Variants in PMFBP1 observed in about 807,000 individuals in gnomAD.
PMFBP1 encodes polyamine modulated factor 1 binding protein 1.
PMFBP1 carries 131 observed loss-of-function variants against 137.8 expected under a neutral mutation model. The observed-to-expected ratio is 0.95, with a 90% CI of 0.82 to 1.10. The LOEUF (loss-of-function observed/expected upper bound fraction) is 1.10. Ranked by LOEUF, PMFBP1 falls within the 50% of genes least tolerant of loss-of-function variation. The pLI is 0.00. For missense variants in PMFBP1, 1,199 were observed against 1,175.4 expected (o/e 1.02, Z -0.29); for synonymous variants, 490 against 450.4 (o/e 1.09, Z -1.11).
chr16:72,121,052 G>A (rs2144222110), intron 19 of PMFBP1, among the ~76,000 whole-genome samples: 1 of 152,324 alleles, frequency 6.6e-6, no homozygotes, highest in Admixed American at 6.5e-5. Flanking sequence ...CTTTGTGAAA[G>A]AGAACTTCCT....
At chr16:72,219,158 A>G in the PMFBP1 span, among the ~76,000 whole-genome samples, 1 of 152,200 alleles carries the variant, frequency 6.6e-6, no homozygotes, top group African/African-American at 2.4e-5. Flanking sequence ...TGACTCTCTC[A>G]GCAATTTTCA....
At chr16:72,142,299 G>GA (rs1413452214) in intron 5 of PMFBP1, among the ~76,000 whole-genome samples, 14 of 152,162 alleles carry the variant, frequency 9.2e-5, no homozygotes, top group African/African-American at 3.1e-4. Flanking sequence ...ACTATGGGAT[G>GA]AAAAATGGAA....
At chr16:72,159,718 T>G (rs542418520) in intron 3 of PMFBP1, among the ~76,000 whole-genome samples, 3 of 152,224 alleles carry the variant, frequency 2.0e-5, no homozygotes, top group African/African-American at 7.2e-5. Flanking sequence ...ACGCTATGGA[T>G]GAAGCCTACA....
At chr16:72,143,627 C>A (rs571918621) in intron 5 of PMFBP1, among the ~76,000 whole-genome samples, 1 of 152,092 alleles carries the variant, frequency 6.6e-6, no homozygotes, top group African/African-American at 2.4e-5. Flanking sequence ...CCTGTAGTCC[C>A]AGCTACTTGG....
chr16:72,132,894 T>G lies in PMFBP1; in HGVS notation c.1301A>C (p.Gln434Pro). Reference protein sequence around the residue: ...LLKKEKELEKQQCMATELEMT... With the variant: ...LLKKEKELEKPQCMATELEMT... ...TTCAAGTTCTGTGGCCATGCACTGC[T>G]GCTTCTCCAGCTCCTTCTCCTTTTT... is the stretch of plus-strand genomic sequence containing the variant. Residue 434 changes from glutamine to proline, a missense_variant, in exon 10 of 21, where the codon CAG (glutamine) becomes CCG (proline). Physicochemically the swap from Gln to Pro is moderately conservative, Grantham distance 76. Transcript: ENST00000237353. The G allele has an allele frequency of 6.2e-7, 1 of 1,614,240 alleles. No individual in the cohort carries two copies. Among genetic ancestry groups the G allele is most frequent in the Non-Finnish European group, 8.5e-7 (1 of 1,180,044 alleles).
At chr16:72,132,699 T>C (rs1341135977) in intron 10 of PMFBP1, 49 bp downstream of exon 10, 1 of 1,612,030 alleles carries the variant, frequency 6.2e-7, no homozygotes, top group East Asian at 2.2e-5. Context: ...CTAGGGCTGC[T>C]CTAGCCCCAC....
Position 72,139,271 on chromosome 16 carries a change from T to G in PMFBP1, c.918+18A>C. ...TCAGCCCGATCCCAGTAGGCACAGATCAGCAAATTTCTCCCACCTTTTTGA... is the reference window on the plus strand; with the variant it reads ...TCAGCCCGATCCCAGTAGGCACAGAGCAGCAAATTTCTCCCACCTTTTTGA... On this transcript the variant is annotated intron_variant, in intron 7 of 20. Transcript: ENST00000237353. 1 of 1,584,910 alleles carries G rather than the reference T, an allele frequency of 6.3e-7. No homozygotes were observed. Among genetic ancestry groups the G allele is most frequent in the Middle Eastern group, 1.7e-4 (1 of 5,882 alleles).
chr16:72,235,890 T>C, the PMFBP1 span, among the ~76,000 whole-genome samples: 1 of 152,156 alleles, frequency 6.6e-6, no homozygotes, highest in Non-Finnish European at 1.5e-5. Context: ...GTTGCTTTTA[T>C]ATGGATTGCT....
At chr16:72,183,948 C>A in the PMFBP1 span, among the ~76,000 whole-genome samples, 1 of 152,210 alleles carries the variant, frequency 6.6e-6, no homozygotes, top group African/African-American at 2.4e-5. Context: ...TGGGTGTCAA[C>A]TCCAGGGGGC....
chr16:72,219,404 A>G, the PMFBP1 span, among the ~76,000 whole-genome samples: 2 of 152,080 alleles, frequency 1.3e-5, no homozygotes, highest in African/African-American at 4.8e-5. Context: ...GACGGCAGGG[A>G]TGGGAGGGAA....
the PMFBP1 span, among the ~76,000 whole-genome samples, chr16:72,235,678 G>C: frequency 6.6e-6 from 1 of 151,840 alleles, no homozygotes; most frequent in African/African-American, 2.4e-5. Flanking sequence ...CTTTCAAAAT[G>C]ATTTGCAGTT....
intron 3 of PMFBP1, among the ~76,000 whole-genome samples, chr16:72,156,146 C>T (rs2042977169): frequency 6.6e-6 from 1 of 152,068 alleles, no homozygotes; most frequent in African/African-American, 2.4e-5. Flanking sequence ...GCCACCACAC[C>T]CAGCTAATTT....
intron 20 of PMFBP1, 118 bp downstream of exon 20, chr16:72,119,733 C>T (rs1014160167): frequency 2.5e-5 from 38 of 1,520,080 alleles, no homozygotes; most frequent in South Asian, 2.7e-5. Context: ...GGTCCAAAGT[C>T]GCTAAGAAAA....
At chr16:72,211,406 C>CT in the PMFBP1 span, among the ~76,000 whole-genome samples, 2 of 152,164 alleles carry the variant, frequency 1.3e-5, no homozygotes, top group Admixed American at 1.3e-4. Context: ...ACATTCTCTA[C>CT]TTAATAACCT....
chr16:72,205,098 CT>C, the PMFBP1 span, among the ~76,000 whole-genome samples: 1 of 152,294 alleles, frequency 6.6e-6, no homozygotes. Flanking sequence ...TGTGTCTAGG[CT>C]GTGACTCTGA....
chr16:72,212,530 C>T, the PMFBP1 span, among the ~76,000 whole-genome samples: 1 of 151,580 alleles, frequency 6.6e-6, no homozygotes, highest in Non-Finnish European at 1.5e-5. Context: ...ACATGTGGCT[C>T]ACCAAGCCTG....
intron 4 of PMFBP1, among the ~76,000 whole-genome samples, chr16:72,153,257 T>C (rs2042930171): frequency 1.3e-5 from 2 of 152,304 alleles, no homozygotes; most frequent in South Asian, 4.1e-4. Context: ...CCTCCCACTC[T>C]TAATTCTTTT....
chr16:72,230,537 G>A, the PMFBP1 span, among the ~76,000 whole-genome samples: 2 of 152,034 alleles, frequency 1.3e-5, no homozygotes, highest in Non-Finnish European at 2.9e-5. Context: ...AACTCAGCAC[G>A]CTCAAAGCTG....
At chr16:72,219,927 C>A in the PMFBP1 span, among the ~76,000 whole-genome samples, 1 of 152,258 alleles carries the variant, frequency 6.6e-6, no homozygotes, top group Middle Eastern at 3.4e-3. Flanking sequence ...TTAGCAAAAG[C>A]AGCCTTCAGT....
Sources: gnomAD v4.1 joint callset for allele counts (sites outside exome capture counted in the v4.1 genomes callset) on GRCh38, gnomAD v4.1.1 for gene constraint, MANE v1.5 for transcripts, NCBI Gene and HGNC (gene_info 2026-07-23, HGNC 2026-07-21) for gene names.